The following AGBL4 variants were observed in gnomAD, a reference collection of about 807,000 sequenced individuals.
AGBL4 encodes the protein AGBL carboxypeptidase 4.
Under a neutral mutation model 66.4 loss-of-function variants are expected in AGBL4, and 58 were observed. The observed-to-expected ratio is 0.87, with a 90% CI of 0.71 to 1.09. The LOEUF is 1.09. Ranked by LOEUF, AGBL4 falls within the 50% of genes least tolerant of loss-of-function variation. AGBL4 has a pLI of 0.00. For missense variants in AGBL4, 579 were observed against 631.0 expected (o/e 0.92, Z 0.88); for synonymous variants, 234 against 222.9 (o/e 1.05, Z -0.44).
intron 5 of AGBL4, among the ~76,000 whole-genome samples, chr1:48,936,105 A>G (rs1655449160): frequency 6.6e-6 from 1 of 151,082 alleles, no homozygotes; most frequent in Admixed American, 6.6e-5. Flanking sequence ...TGGGCAACAT[A>G]GTGAGACCCT....
intron 2 of AGBL4, among the ~76,000 whole-genome samples, chr1:49,708,761 G>T (rs1006749902): frequency 2.0e-5 from 3 of 152,134 alleles, no homozygotes; most frequent in Non-Finnish European, 4.4e-5. Context: ...TTATGCTGAT[G>T]TTGATGCTAT....
chr1:49,497,065 C>T (rs1270130501), intron 3 of AGBL4, among the ~76,000 whole-genome samples: 1 of 151,896 alleles, frequency 6.6e-6, no homozygotes, highest in Admixed American at 6.6e-5. Context: ...GTAATAGTCA[C>T]TCCAACAGGT....
At chr1:49,674,808 T>G (rs1238686908) in intron 3 of AGBL4, among the ~76,000 whole-genome samples, 1 of 152,110 alleles carries the variant, frequency 6.6e-6, no homozygotes, top group African/African-American at 2.4e-5. Flanking sequence ...CACAACTTGA[T>G]ACAATGAAAG....
At chr1:49,522,502 A>G (rs537811038) in intron 3 of AGBL4, among the ~76,000 whole-genome samples, 65 of 152,238 alleles carry the variant, frequency 4.3e-4, no homozygotes, top group African/African-American at 1.5e-3. Flanking sequence ...CTATTAGACT[A>G]TAAGAACTGT....
At chr1:48,817,129 C>T (rs1376814987) in intron 6 of AGBL4, among the ~76,000 whole-genome samples, 1 of 152,110 alleles carries the variant, frequency 6.6e-6, no homozygotes, top group Non-Finnish European at 1.5e-5. Flanking sequence ...GGGTGTTTGC[C>T]CAAGTGCTTT....
chr1:49,833,713 G>A lies in AGBL4; in HGVS notation c.157+17683C>T, dbSNP rs900700273. On this transcript the variant is annotated intron_variant, in intron 2 of 13. Coordinates refer to ENST00000371839, the MANE Select transcript of AGBL4 (RefSeq NM_032785.4). The stretch of plus-strand genomic sequence containing the variant: ...CTCCTTGAAGAGGTCCTTCACGTCC[G>A]TTGTAAGTTGGATTCCTAGGTATTT... 9.4e-4 allele frequency among the ~76,000 whole-genome samples: 143 copies of A among 152,108 alleles called. 1 individual carries two copies. The highest frequency in any genetic ancestry group is 3.0e-3 in the African/African-American group (126 of 41,516).
At chr1:49,138,726 C>T (rs1646061347) in intron 4 of AGBL4, among the ~76,000 whole-genome samples, 1 of 152,022 alleles carries the variant, frequency 6.6e-6, no homozygotes, top group Non-Finnish European at 1.5e-5. Flanking sequence ...ATAAACTTGG[C>T]CAAAAGGAAT....
At chr1:48,776,776 G>C (rs749886812) in intron 6 of AGBL4, 5 of 1,524,320 alleles carry the variant, frequency 3.3e-6, no homozygotes, top group Non-Finnish European at 4.4e-6. Context: ...GCGCACGCAC[G>C]ACACGGGCAG....
At chr1:48,907,634 T>G (rs891870927) in intron 5 of AGBL4, among the ~76,000 whole-genome samples, 2 of 152,178 alleles carry the variant, frequency 1.3e-5, no homozygotes, top group Non-Finnish European at 2.9e-5. Context: ...GATTCACATC[T>G]GCAATCTTTT....
intron 3 of AGBL4, among the ~76,000 whole-genome samples, chr1:49,412,205 C>G (rs752461401): frequency 6.6e-6 from 1 of 152,116 alleles, no homozygotes; most frequent in African/African-American, 2.4e-5. Flanking sequence ...AAAATCTATT[C>G]TCACAGTTCT....
intron 5 of AGBL4, among the ~76,000 whole-genome samples, chr1:48,990,932 G>C (rs577384435): frequency 6.6e-6 from 1 of 152,106 alleles, no homozygotes; most frequent in Non-Finnish European, 1.5e-5. Context: ...TATATGTCTT[G>C]AAAAGTTGTA....
intron 3 of AGBL4, among the ~76,000 whole-genome samples, chr1:49,377,905 C>T (rs554820267): frequency 2.8e-4 from 42 of 152,152 alleles, no homozygotes; most frequent in Non-Finnish European, 5.4e-4. Context: ...CAGTCTGAAA[C>T]AAAGGCAATC....
chr1:49,396,930 C>T (rs1171775630), intron 3 of AGBL4, among the ~76,000 whole-genome samples: 1 of 152,140 alleles, frequency 6.6e-6, no homozygotes, highest in Non-Finnish European at 1.5e-5. Flanking sequence ...TCGTGGGAGA[C>T]AATTTTTCCG....
chr1:49,197,767 A>G (rs1647347296), intron 4 of AGBL4, among the ~76,000 whole-genome samples: 1 of 152,220 alleles, frequency 6.6e-6, no homozygotes, highest in Admixed American at 6.5e-5. Context: ...CATGCCTCTC[A>G]GGCAAATATC....
At chr1:49,772,745 T>A (rs1219816703) in intron 2 of AGBL4, among the ~76,000 whole-genome samples, 1 of 152,220 alleles carries the variant, frequency 6.6e-6, no homozygotes, top group Non-Finnish European at 1.5e-5. Context: ...CTCTTATATG[T>A]GACTTCACAT....
At chr1:49,068,968 T>A (rs1441281896) in intron 4 of AGBL4, among the ~76,000 whole-genome samples, 1 of 152,236 alleles carries the variant, frequency 6.6e-6, no homozygotes, top group African/African-American at 2.4e-5. Flanking sequence ...GATTTGCATT[T>A]CTCTGATGAC....
chr1:49,762,907 T>C (rs1652447741), intron 2 of AGBL4, among the ~76,000 whole-genome samples: 1 of 152,224 alleles, frequency 6.6e-6, no homozygotes, highest in Non-Finnish European at 1.5e-5. Context: ...TGTCTATTTT[T>C]GCTTTTGTTT....
At chr1:49,236,653 T>A (rs1428333593) in intron 4 of AGBL4, among the ~76,000 whole-genome samples, 2 of 152,198 alleles carry the variant, frequency 1.3e-5, no homozygotes, top group East Asian at 3.9e-4. Context: ...GCATCTTTTA[T>A]TAGTATAGTA....
At chr1:50,020,287 A>G (rs751925805) in intron 1 of AGBL4, among the ~76,000 whole-genome samples, 27 of 152,146 alleles carry the variant, frequency 1.8e-4, no homozygotes, top group Non-Finnish European at 3.5e-4. Flanking sequence ...TGTAAAGTAT[A>G]TGCAATACAT....
Sources: allele counts gnomAD v4.1 joint callset (sites outside exome capture counted in the v4.1 genomes callset), GRCh38; gene constraint gnomAD v4.1.1; transcripts MANE v1.5; gene names NCBI Gene and HGNC (gene_info 2026-07-23, HGNC 2026-07-21).